Variants in APP observed in about 807,000 individuals in gnomAD.
The protein encoded by APP is amyloid beta precursor protein, also known as amyloid-beta precursor protein.
A neutral mutation model predicts 101.4 loss-of-function variants in APP; 31 were observed. The observed-to-expected ratio is 0.31, with a 90% CI of 0.23 to 0.41. The LOEUF (loss-of-function observed/expected upper bound fraction) is 0.41. Ranked by LOEUF, APP falls within the 10% of genes least tolerant of loss-of-function variation. The pLI is 1.00. For missense variants in APP, 839 were observed against 1,003.7 expected (o/e 0.84, Z 2.22); for synonymous variants, 366 against 364.4 (o/e 1.00, Z -0.05).
intron 8 of APP, among the ~76,000 whole-genome samples, chr21:25,984,244 A>G (rs1035171963): frequency 5.3e-5 from 8 of 152,206 alleles, no homozygotes; most frequent in South Asian, 2.1e-4. Context: ...GAAAAAAAAG[A>G]AAAGGACAAG....
At chr21:25,913,962 C>G (rs1385605258) in intron 13 of APP, among the ~76,000 whole-genome samples, 1 of 152,144 alleles carries the variant, frequency 6.6e-6, no homozygotes, top group African/African-American at 2.4e-5. Flanking sequence ...CCCTCCCACT[C>G]AAATTTGTAT....
At chr21:25,995,174 T>C (rs1831901936) in intron 8 of APP, among the ~76,000 whole-genome samples, 2 of 152,210 alleles carry the variant, frequency 1.3e-5, no homozygotes, top group South Asian at 2.1e-4. Flanking sequence ...ATGATGCTTG[T>C]TTCCATCAGT....
intron 13 of APP, chr21:25,935,033 C>T (rs1226386081): frequency 6.6e-6 from 1 of 152,218 alleles, no homozygotes; most frequent in Non-Finnish European, 1.5e-5. Context: ...GTTTCAAACA[C>T]TTTGTAAACA....
At chr21:25,974,896 G>A (rs1026196337) in intron 11 of APP, among the ~76,000 whole-genome samples, 174 bp downstream of exon 11, 2 of 152,284 alleles carry the variant, frequency 1.3e-5, no homozygotes, top group Non-Finnish European at 1.5e-5. Flanking sequence ...TGTGGAGGTA[G>A]CTGCCCTGTG....
At chr21:26,152,418 G>A (rs1040564486) in intron 1 of APP, among the ~76,000 whole-genome samples, 2 of 151,216 alleles carry the variant, frequency 1.3e-5, no homozygotes, top group Non-Finnish European at 2.9e-5. Context: ...TCCCTAAACA[G>A]ATTTACCCAT....
intron 1 of APP, among the ~76,000 whole-genome samples, chr21:26,133,121 C>T (rs1338652565): frequency 1.3e-5 from 2 of 152,020 alleles, no homozygotes; most frequent in Non-Finnish European, 2.9e-5. Flanking sequence ...GCCTGTAGTC[C>T]CAGCTACTTA....
chr21:26,010,812 C>G (rs991903870), intron 6 of APP, among the ~76,000 whole-genome samples: 1 of 107,596 alleles, frequency 9.3e-6, no homozygotes, highest in Non-Finnish European at 1.9e-5. Flanking sequence ...CAGAGTGAGA[C>G]TTCGTCTCAA....
At chr21:25,883,436 A>C (rs577380669) in intron 17 of APP, among the ~76,000 whole-genome samples, 2 of 150,772 alleles carry the variant, frequency 1.3e-5, no homozygotes, top group South Asian at 4.2e-4. Flanking sequence ...GTGGCTCAAA[A>C]TCCCAGCCCT....
intron 1 of APP, among the ~76,000 whole-genome samples, chr21:26,114,994 A>G (rs539301917): frequency 2.6e-5 from 4 of 152,174 alleles, no homozygotes; most frequent in African/African-American, 4.8e-5. Context: ...TTACGGCGCT[A>G]TAACTGTCTC....
At position 26,029,737 on chromosome 21, in the gene APP, T is replaced by C. The variant is rs117502225; in HGVS notation, c.663-7695A>G. Among the ~76,000 whole-genome samples the C allele has an allele frequency of 9.5e-4, 144 of 152,292 alleles. 1 individual carries two copies. The East Asian group carries it at 0.022, about 23-fold the overall frequency. ...CAAACTGCAACCCGCAACTTGTTCTTGTACATCCTGTGAGCTAAGGGTGGG... is the reference window on the plus strand; with the variant it reads ...CAAACTGCAACCCGCAACTTGTTCTCGTACATCCTGTGAGCTAAGGGTGGG... On this transcript the variant is annotated intron_variant, in intron 5 of 17. Coordinates refer to ENST00000346798, the MANE Select transcript of APP (RefSeq NM_000484.4).
rs114082250 is a variant in APP, at chr21:26,154,570, T to C, written c.57+15994A>G. On this transcript the variant is annotated intron_variant, in intron 1 of 17. Transcript: ENST00000346798. ...AGGCCATGCCTTCAAGTGGGCCAGA[T>C]TGTCTTAAAGCTCCTGGCTTAATAT... Among the ~76,000 whole-genome samples the C allele has an allele frequency of 3.5e-3, 533 of 152,272 alleles. 2 individuals are homozygous for C. The highest frequency in any genetic ancestry group is 0.012 in the African/African-American group (518 of 41,548).
intron 6 of APP, among the ~76,000 whole-genome samples, chr21:26,008,535 C>T (rs2043639534): frequency 1.3e-5 from 2 of 152,210 alleles, no homozygotes; most frequent in South Asian, 4.1e-4. Context: ...AAATAGAACA[C>T]TCTTGAGTTA....
chr21:26,139,815 G>A (rs2063000767), intron 1 of APP, among the ~76,000 whole-genome samples: 1 of 152,144 alleles, frequency 6.6e-6, no homozygotes, highest in Non-Finnish European at 1.5e-5. Context: ...ATTGCTTGAA[G>A]GATGCAGTGA....
chr21:26,004,186 G>A (rs541454200), intron 6 of APP, among the ~76,000 whole-genome samples: 1 of 152,172 alleles, frequency 6.6e-6, no homozygotes, highest in African/African-American at 2.4e-5. Context: ...CATAGACTTG[G>A]GTTAAAGCAG....
At chr21:26,153,933 C>T (rs1439747521) in intron 1 of APP, among the ~76,000 whole-genome samples, 1 of 152,172 alleles carries the variant, frequency 6.6e-6, no homozygotes, top group Non-Finnish European at 1.5e-5. Flanking sequence ...ACTTTCAATT[C>T]TAAAAGTTCA....
At chr21:26,085,290 T>C (rs2061682007) in intron 3 of APP, among the ~76,000 whole-genome samples, 1 of 152,006 alleles carries the variant, frequency 6.6e-6, no homozygotes, top group African/African-American at 2.4e-5. Flanking sequence ...TCATTCCTTA[T>C]GAGACCATGA....
In APP at chr21:26,000,138, T is replaced by C. The variant is rs200539466; in HGVS notation, c.910A>G (p.Ile304Val). The C allele has an allele frequency of 9.9e-6, 16 of 1,614,138 alleles. No individual in the cohort carries two copies. Among genetic ancestry groups the C allele is most frequent in the Non-Finnish European group, 1.3e-5 (15 of 1,180,026 alleles). The part of the protein sequence containing the change: ...QAETGPCRAM[I>V]SRWYFDVTEG... Reference sequence around the variant, plus strand: ...GTCACATCAAAGTACCAGCGGGAGATCATTGCTCGGCACGGCCCCGTCTCG... The same window carrying C: ...GTCACATCAAAGTACCAGCGGGAGACCATTGCTCGGCACGGCCCCGTCTCG... The change falls in exon 7 of 18, where the codon ATC becomes GTC. Residue 304 changes from isoleucine to valine, a missense_variant. Coordinates refer to ENST00000346798, the MANE Select transcript of APP (RefSeq NM_000484.4).
chr21:25,925,063 A>G (rs1427578219), intron 13 of APP, among the ~76,000 whole-genome samples: 6 of 152,118 alleles, frequency 3.9e-5, no homozygotes. Context: ...TCATACCTCT[A>G]CGCTCTCTTC....
intron 2 of APP, among the ~76,000 whole-genome samples, chr21:26,105,920 T>G (rs1350765353): frequency 6.6e-6 from 1 of 152,144 alleles, no homozygotes; most frequent in South Asian, 2.1e-4. Context: ...TCCTCATCCC[T>G]CTTCTGGCAA....
Sources: allele counts gnomAD v4.1 joint callset (sites outside exome capture counted in the v4.1 genomes callset), GRCh38; gene constraint gnomAD v4.1.1; transcripts MANE v1.5; gene names NCBI Gene and HGNC (gene_info 2026-07-23, HGNC 2026-07-21).